The following NLRP2B variants were observed in gnomAD, a reference collection of about 807,000 sequenced individuals.
NLRP2B encodes NLR family pyrin domain containing 2B.
For synonymous variants in NLRP2B, 16 were observed against 3.5 expected, an observed-to-expected ratio of 4.63 and a Z score of -4.03; for missense variants, 25 against 6.8, an observed-to-expected ratio of 3.70 and a Z score of -3.00.
rs1378124235 is a variant in NLRP2B at position 57,679,714 on chromosome X, A to G, written c.*409T>C. On this transcript the variant is annotated 3_prime_UTR_variant, in exon 1 of 1. Transcript: ENST00000434992. ...CAGCATCTTGTATCTCTGAGCCATA[A>G]TATGGACCACTTTGAGGTCTCCAGG... 4.8e-6 allele frequency: 2 copies of G among 419,593 alleles called. No homozygotes were observed. Among genetic ancestry groups the G allele is most frequent in the African/African-American group, 5.0e-5 (2 of 40,172 alleles). 34.6% of individuals were successfully genotyped at this position (419,593 alleles called of 1,213,427 possible). A position where few individuals can be genotyped will look rare whatever the true frequency, so the allele number is the denominator to read the frequency against.
In NLRP2B at chrX:57,679,252, G is replaced by C; in HGVS notation, c.*871C>G. 1 of 459,631 alleles carries C rather than the reference G, an allele frequency of 2.2e-6. No individual in the cohort carries two copies. The highest frequency in any genetic ancestry group is 4.1e-5 in the East Asian group (1 of 24,618). The allele number at this position is 459,631 out of a possible 1,213,427, so 37.9% of individuals were successfully genotyped here. The stretch of plus-strand genomic sequence containing the variant: ...AGCCGGAGGTCTCTCAGGGCCCGCA[G>C]GCCACGTGGTGACCAGCACGGCGGC... On this transcript the variant is annotated 3_prime_UTR_variant, in exon 1 of 1. Coordinates refer to ENST00000434992, the MANE Select transcript of NLRP2B (RefSeq NM_001319967.1).
Position 57,677,550 on chromosome X carries a change from C to T in NLRP2B, c.*2573G>A. ...TGCTAGTTATGTCGCAGTCCCACAG[C>T]ACCAGGGTCTGTAGTTTACAATGGG... is the stretch of plus-strand genomic sequence containing the variant. On this transcript the variant is annotated 3_prime_UTR_variant, in exon 1 of 1. Coordinates refer to ENST00000434992, the MANE Select transcript of NLRP2B (RefSeq NM_001319967.1). 1 of 314,718 alleles carries T rather than the reference C, an allele frequency of 3.2e-6. No homozygotes were observed. The highest frequency in any genetic ancestry group is 6.1e-6 in the Non-Finnish European group (1 of 164,629). The allele number at this position is 314,718 out of a possible 1,213,427, so 25.9% of individuals were successfully genotyped here. A position where few individuals can be genotyped will look rare whatever the true frequency, so the allele number is the denominator to read the frequency against.
In NLRP2B at chrX:57,680,253, G is replaced by T; in HGVS notation, c.8C>A (p.Ser3Tyr). 2.8e-6 allele frequency: 1 copy of T among 362,101 alleles called. No individual in the cohort carries two copies. Among genetic ancestry groups the T allele is most frequent in the Non-Finnish European group, 5.0e-6 (1 of 201,936 alleles). The allele number at this position is 362,101 out of a possible 1,213,427, so 29.8% of individuals were successfully genotyped here. A position where few individuals can be genotyped will look rare whatever the true frequency, so the allele number is the denominator to read the frequency against. Residue 3 changes from serine to tyrosine, a missense_variant, in exon 1 of 1, where the codon TCT (serine) becomes TAT (tyrosine). By Grantham distance (144) the Ser-to-Tyr change is moderately radical. Transcript: ENST00000434992. Reference sequence around the variant, plus strand: ...CAGGTTGAAGTCCAGCTGTGCAGAAGACACCATCTCGTCTGACGTGGGAAC... The same window carrying T: ...CAGGTTGAAGTCCAGCTGTGCAGAATACACCATCTCGTCTGACGTGGGAAC... The part of the protein sequence containing the change: MV[S>Y]SAQLDFNLQA...
In NLRP2B at chrX:57,677,244, G is replaced by A. The variant is rs764262992; in HGVS notation, c.*2879C>T. 4.9e-5 allele frequency: 19 copies of A among 385,695 alleles called. No homozygotes were observed. Among genetic ancestry groups the A allele is most frequent in the Non-Finnish European group, 9.3e-5 (18 of 194,511 alleles). The allele number at this position is 385,695 out of a possible 1,213,427, so 31.8% of individuals were successfully genotyped here. ...GGAGGGTGCAATTTGGATGTGTCAAGGTTTCAAACAGCATCTTTACTCCAC... is the reference window on the plus strand; with the variant it reads ...GGAGGGTGCAATTTGGATGTGTCAAAGTTTCAAACAGCATCTTTACTCCAC... On this transcript the variant is annotated 3_prime_UTR_variant, in exon 1 of 1. Coordinates refer to ENST00000434992, the MANE Select transcript of NLRP2B (RefSeq NM_001319967.1).
In NLRP2B at chrX:57,677,321, A is replaced by C; in HGVS notation, c.*2802T>G. The stretch of plus-strand genomic sequence containing the variant: ...TCCAGAACGACGAGGCTGTGGTTGC[A>C]GCTGAGCACAGAGCAGAGGTCCTCA... On this transcript the variant is annotated 3_prime_UTR_variant, in exon 1 of 1. Transcript: ENST00000434992. The C allele has an allele frequency of 2.6e-6, 1 of 382,714 alleles. No individual in the cohort carries two copies. The highest frequency in any genetic ancestry group is 2.6e-5 in the Admixed American group (1 of 39,155). The allele number at this position is 382,714 out of a possible 1,213,427, so 31.5% of individuals were successfully genotyped here. A position where few individuals can be genotyped will look rare whatever the true frequency, so the allele number is the denominator to read the frequency against.
At position 57,679,856 on chromosome X, in the gene NLRP2B, C is replaced by T; in HGVS notation, c.*267G>A. On this transcript the variant is annotated 3_prime_UTR_variant, in exon 1 of 1. Transcript: ENST00000434992. The stretch of plus-strand genomic sequence containing the variant: ...GCTTCTCTTAGGCTGGTGACATCTT[C>T]CTCCGTTTCTATAAACTCTAGTGCT... 3 of 286,422 alleles carry T rather than the reference C, an allele frequency of 1.0e-5. No individual in the cohort carries two copies. Among genetic ancestry groups the T allele is most frequent in the Non-Finnish European group, 1.8e-5 (3 of 165,298 alleles). The allele number at this position is 286,422 out of a possible 1,213,427, so 23.6% of individuals were successfully genotyped here.
rs1324718140 is a variant in NLRP2B at position 57,678,968 on chromosome X, G to A, written c.*1155C>T. 4 of 466,488 alleles carry A rather than the reference G, an allele frequency of 8.6e-6. No individual in the cohort carries two copies. The highest frequency in any genetic ancestry group is 3.0e-5 in the Admixed American group (1 of 32,928). 38.4% of individuals were successfully genotyped at this position (466,488 alleles called of 1,213,427 possible). On this transcript the variant is annotated 3_prime_UTR_variant, in exon 1 of 1. Coordinates refer to ENST00000434992, the MANE Select transcript of NLRP2B (RefSeq NM_001319967.1). ...CAGAGCTGTGCGCCCTGCGGGAACC[G>A]GCCGCAAAGGAAGCGCAGGAACAGC...
chrX:57,679,317 G>T lies in NLRP2B; in HGVS notation c.*806C>A. 3.7e-6 allele frequency: 2 copies of T among 535,411 alleles called. No individual in the cohort carries two copies. The highest frequency in any genetic ancestry group is 6.5e-6 in the Non-Finnish European group (2 of 306,134). The allele number at this position is 535,411 out of a possible 1,213,427, so 44.1% of individuals were successfully genotyped here. ...TCCTCTTCAGTAACCTCCCCAAGAA[G>T]ACCGGCACCGGCTTCTGCTTCTCCC... On this transcript the variant is annotated 3_prime_UTR_variant, in exon 1 of 1. Coordinates refer to ENST00000434992, the MANE Select transcript of NLRP2B (RefSeq NM_001319967.1).
At position 57,678,805 on chromosome X, in the gene NLRP2B, C is replaced by T; in HGVS notation, c.*1318G>A. 5.2e-6 allele frequency: 2 copies of T among 381,024 alleles called. No individual in the cohort carries two copies. The highest frequency in any genetic ancestry group is 6.4e-5 in the South Asian group (2 of 31,313). The allele number at this position is 381,024 out of a possible 1,213,427, so 31.4% of individuals were successfully genotyped here. A position where few individuals can be genotyped will look rare whatever the true frequency, so the allele number is the denominator to read the frequency against. The stretch of plus-strand genomic sequence containing the variant: ...GCAGCCTTTAGAGACTATGTCCTGG[C>T]GGAGGATGTCTCTGTCCAGGGACGG... On this transcript the variant is annotated 3_prime_UTR_variant, in exon 1 of 1. Transcript: ENST00000434992.
rs992521204 is a variant in NLRP2B, at chrX:57,678,579, G to C, written c.*1544C>G. Reference sequence around the variant, plus strand: ...TCTCCAACTCCTTGGCTTTCTTCTCGTTGGCGAAGCCGAATAAGAAGTGTC... The same window carrying C: ...TCTCCAACTCCTTGGCTTTCTTCTCCTTGGCGAAGCCGAATAAGAAGTGTC... On this transcript the variant is annotated 3_prime_UTR_variant, in exon 1 of 1. Transcript: ENST00000434992. The C allele has an allele frequency of 3.5e-5, 17 of 485,989 alleles. No individual in the cohort carries two copies. Among genetic ancestry groups the C allele is most frequent in the Non-Finnish European group, 5.7e-5 (15 of 264,836 alleles). The allele number at this position is 485,989 out of a possible 1,213,427, so 40.1% of individuals were successfully genotyped here.
chrX:57,678,512 AT>A lies in NLRP2B; in HGVS notation c.*1610del, dbSNP rs1433912822. 25 of 507,773 alleles carry A rather than the reference AT, an allele frequency of 4.9e-5. No individual in the cohort carries two copies. The highest frequency in any genetic ancestry group is 9.1e-5 in the Non-Finnish European group (25 of 274,235). The allele number at this position is 507,773 out of a possible 1,213,427, so 41.8% of individuals were successfully genotyped here. A position where few individuals can be genotyped will look rare whatever the true frequency, so the allele number is the denominator to read the frequency against. Reference sequence around the variant, plus strand: ...TCACAATTTATCTCTCATCACAGTAATTCCTTTTTGATCTCCGGTGACATCA... The same window carrying A: ...TCACAATTTATCTCTCATCACAGTAATCCTTTTTGATCTCCGGTGACATCA... On this transcript the variant is annotated 3_prime_UTR_variant, in exon 1 of 1. Coordinates refer to ENST00000434992, the MANE Select transcript of NLRP2B (RefSeq NM_001319967.1).
chrX:57,677,971 C>T lies in NLRP2B; in HGVS notation c.*2152G>A, dbSNP rs2011723685. 1 of 478,132 alleles carries T rather than the reference C, an allele frequency of 2.1e-6. No individual in the cohort carries two copies. Among genetic ancestry groups the T allele is most frequent in the Non-Finnish European group, 3.8e-6 (1 of 259,923 alleles). The allele number at this position is 478,132 out of a possible 1,213,427, so 39.4% of individuals were successfully genotyped here. A position where few individuals can be genotyped will look rare whatever the true frequency, so the allele number is the denominator to read the frequency against. ...AGGAAGCATATCATTCTGGTCATTGCCTTGAAGGGTCAGATATCTTACAGT... is the reference window on the plus strand; with the variant it reads ...AGGAAGCATATCATTCTGGTCATTGTCTTGAAGGGTCAGATATCTTACAGT... On this transcript the variant is annotated 3_prime_UTR_variant, in exon 1 of 1. Transcript: ENST00000434992.
At position 57,679,889 on chromosome X, in the gene NLRP2B, C is replaced by A; in HGVS notation, c.*234G>T. 6.9e-6 allele frequency: 2 copies of A among 288,553 alleles called. No homozygotes were observed. Among genetic ancestry groups the A allele is most frequent in the Admixed American group, 5.9e-5 (1 of 16,837 alleles). The allele number at this position is 288,553 out of a possible 1,213,427, so 23.8% of individuals were successfully genotyped here. ...TCTATAAACTCTAGTGCTTCTGCTT[C>A]GAAACGCCCCAGCATTTGTTTCAGG... On this transcript the variant is annotated 3_prime_UTR_variant, in exon 1 of 1. Coordinates refer to ENST00000434992, the MANE Select transcript of NLRP2B (RefSeq NM_001319967.1).
In NLRP2B at chrX:57,679,891, A is replaced by C. The variant is rs2011755937; in HGVS notation, c.*232T>G. The C allele has an allele frequency of 1.7e-5, 5 of 289,418 alleles. No homozygotes were observed. The highest frequency in any genetic ancestry group is 1.4e-4 in the African/African-American group (5 of 35,958). The allele number at this position is 289,418 out of a possible 1,213,427, so 23.9% of individuals were successfully genotyped here. A position where few individuals can be genotyped will look rare whatever the true frequency, so the allele number is the denominator to read the frequency against. ...TATAAACTCTAGTGCTTCTGCTTCG[A>C]AACGCCCCAGCATTTGTTTCAGGTC... On this transcript the variant is annotated 3_prime_UTR_variant, in exon 1 of 1. Coordinates refer to ENST00000434992, the MANE Select transcript of NLRP2B (RefSeq NM_001319967.1).
In NLRP2B at chrX:57,678,312, C is replaced by T. The variant is rs2011728871; in HGVS notation, c.*1811G>A. On this transcript the variant is annotated 3_prime_UTR_variant, in exon 1 of 1. Transcript: ENST00000434992. ...TTGCTGCCTGCAGTGGCATTTTCTG[C>T]AAGTTTCGACAATGCTTGAGGCAGA... 1.9e-6 allele frequency: 1 copy of T among 539,741 alleles called. No homozygotes were observed. Among genetic ancestry groups the T allele is most frequent in the African/African-American group, 2.3e-5 (1 of 44,141 alleles). The allele number at this position is 539,741 out of a possible 1,213,427, so 44.5% of individuals were successfully genotyped here. A position where few individuals can be genotyped will look rare whatever the true frequency, so the allele number is the denominator to read the frequency against.
At position 57,680,081 on chromosome X, in the gene NLRP2B, G is replaced by A; in HGVS notation, c.*42C>T. 9.0e-6 allele frequency: 4 copies of A among 445,170 alleles called. No homozygotes were observed. The highest frequency in any genetic ancestry group is 1.6e-5 in the Non-Finnish European group (4 of 248,575). 36.7% of individuals were successfully genotyped at this position (445,170 alleles called of 1,213,427 possible). Reference sequence around the variant, plus strand: ...TCATCCAGTAGCTGTGGCAATGGCTGGTGATGATTTCTGCCAGTTGCTTCC... The same window carrying A: ...TCATCCAGTAGCTGTGGCAATGGCTAGTGATGATTTCTGCCAGTTGCTTCC... On this transcript the variant is annotated 3_prime_UTR_variant, in exon 1 of 1. Coordinates refer to ENST00000434992, the MANE Select transcript of NLRP2B (RefSeq NM_001319967.1).
chrX:57,678,098 G>A lies in NLRP2B; in HGVS notation c.*2025C>T. ...AGACGACAGGTGTCAGAAGCTATTT[G>A]TTCACACAGGATCCTTACTAATGTG... is the stretch of plus-strand genomic sequence containing the variant. On this transcript the variant is annotated 3_prime_UTR_variant, in exon 1 of 1. Transcript: ENST00000434992. 1 of 464,834 alleles carries A rather than the reference G, an allele frequency of 2.2e-6. No homozygotes were observed. The highest frequency in any genetic ancestry group is 3.0e-5 in the South Asian group (1 of 33,236). 38.3% of individuals were successfully genotyped at this position (464,834 alleles called of 1,213,427 possible). A position where few individuals can be genotyped will look rare whatever the true frequency, so the allele number is the denominator to read the frequency against.
At position 57,678,648 on chromosome X, in the gene NLRP2B, A is replaced by C; in HGVS notation, c.*1475T>G. The C allele has an allele frequency of 2.3e-6, 1 of 434,728 alleles. No homozygotes were observed. The highest frequency in any genetic ancestry group is 4.2e-6 in the Non-Finnish European group (1 of 236,653). The allele number at this position is 434,728 out of a possible 1,213,427, so 35.8% of individuals were successfully genotyped here. A position where few individuals can be genotyped will look rare whatever the true frequency, so the allele number is the denominator to read the frequency against. ...GGTTCTTGAGTCTTTCTTCTCTAGA[A>C]AACAGCTTCTGCACGTCTCCATTGT... On this transcript the variant is annotated 3_prime_UTR_variant, in exon 1 of 1. Transcript: ENST00000434992.
Position 57,679,044 on chromosome X carries a change from C to A in NLRP2B, c.*1079G>T. On this transcript the variant is annotated 3_prime_UTR_variant, in exon 1 of 1. Coordinates refer to ENST00000434992, the MANE Select transcript of NLRP2B (RefSeq NM_001319967.1). Reference sequence around the variant, plus strand: ...CCCTTCTAACCTCTGCAGCTTCAGACTCATGCACATGATCCAGCACACCAT... The same window carrying A: ...CCCTTCTAACCTCTGCAGCTTCAGAATCATGCACATGATCCAGCACACCAT... 2.4e-6 allele frequency: 1 copy of A among 414,839 alleles called. No individual in the cohort carries two copies. The highest frequency in any genetic ancestry group is 4.4e-6 in the Non-Finnish European group (1 of 226,160). 34.2% of individuals were successfully genotyped at this position (414,839 alleles called of 1,213,427 possible). A position where few individuals can be genotyped will look rare whatever the true frequency, so the allele number is the denominator to read the frequency against.
Sources: allele counts gnomAD v4.1 joint callset, GRCh38; gene constraint gnomAD v4.1.1; transcripts MANE v1.5; gene names NCBI Gene and HGNC (gene_info 2026-07-23, HGNC 2026-07-21).